The following PTPRS variants were observed in gnomAD, a reference collection of about 807,000 sequenced individuals.
The protein encoded by PTPRS is protein tyrosine phosphatase receptor type S, also known as receptor-type tyrosine-protein phosphatase S.
PTPRS carries 63 observed loss-of-function variants against 215.3 expected under a neutral mutation model. The ratio of observed to expected loss-of-function variants is 0.29; its 90% CI spans 0.24 to 0.36. The LOEUF (loss-of-function observed/expected upper bound fraction) is 0.36. Ranked by LOEUF, PTPRS falls within the 10% of genes least tolerant of loss-of-function variation. The probability of loss-of-function intolerance (pLI) is 1.00; values close to 1 mark genes in which losing one functional copy is unlikely to be tolerated. For synonymous variants in PTPRS, 1,404 were observed against 1,191.4 expected (o/e 1.18, Z -3.68); for missense variants, 2,258 against 2,825.8 (o/e 0.80, Z 4.56).
intron 8 of PTPRS, among the ~76,000 whole-genome samples, chr19:5,256,682 A>G (rs1255198023): frequency 6.6e-6 from 1 of 152,172 alleles, no homozygotes; most frequent in Non-Finnish European, 1.5e-5. Flanking sequence ...ACAACTCACC[A>G]GAGGTGCCGT....
At chr19:5,278,182 C>CT (rs1159295704) in intron 2 of PTPRS, 1 of 52,926 alleles carries the variant, frequency 1.9e-5, no homozygotes. Flanking sequence ...GTAGAAACTG[C>CT]CAAAAAAAAA....
chr19:5,302,473 G>A (rs1389046939), intron 1 of PTPRS, among the ~76,000 whole-genome samples: 1 of 152,162 alleles, frequency 6.6e-6, no homozygotes, highest in Non-Finnish European at 1.5e-5. Flanking sequence ...AAAAGATTCT[G>A]CCCTGCCTTG....
At chr19:5,218,291 T>A (rs1212409373) in intron 25 of PTPRS, 129 bp downstream of exon 25, 1 of 771,432 alleles carries the variant, frequency 1.3e-6, no homozygotes, top group African/African-American at 1.7e-5. Context: ...TATTTGGGAA[T>A]CCAGAATGTG....
chr19:5,301,742 C>T (rs1340864240), intron 1 of PTPRS, among the ~76,000 whole-genome samples: 1 of 151,938 alleles, frequency 6.6e-6, no homozygotes, highest in Non-Finnish European at 1.5e-5. Flanking sequence ...TCCCCCCAAT[C>T]CTCCCCTCCT....
At position 5,244,106 on chromosome 19, in the gene PTPRS, G is replaced by A. The variant is rs369778596; in HGVS notation, c.1365C>T (p.Gly455=). 4.4e-6 allele frequency: 7 copies of A among 1,608,658 alleles called. No individual in the cohort carries two copies. In the African/African-American group the frequency reaches 8.0e-5, roughly 18 times the overall value. ...AGTAGACGCGGTAGCCGCGGATCAG[G>A]CCGTTGGGCTCCACCGGCTCCTCCC... is the stretch of plus-strand genomic sequence containing the variant. ...VQWEEPVEPN[G]LIRGYRVYYT... Residue 455 remains glycine, a synonymous_variant, in exon 11 of 38, where the codon GGC becomes GGT. Coordinates refer to ENST00000262963, the MANE Select transcript of PTPRS (RefSeq NM_002850.4). This position sits in a 1 kb window ranked among gnomAD's most constrained non-coding sequence, Gnocchi z 7.2.
In PTPRS at chr19:5,223,049, C is replaced by T. The variant is rs1379163672; in HGVS notation, c.2743G>A (p.Glu915Lys). ...LAARSRGGLG[E>K]EAAEVLSIPE... ...ATGCTCAGGACCTCGGCTGCCTCCT[C>T]GCCCAGGCCGCCGCGGCTCCGGGCC... The change falls in exon 18 of 38, where the codon GAG becomes AAG. Residue 915 changes from glutamate to lysine, a missense_variant. By Grantham distance (56) the Glu-to-Lys change is moderately conservative. This residue lies in a region of PTPRS where 361 missense variants were observed against 332.6 expected (regional missense o/e 1.09). Coordinates refer to ENST00000262963, the MANE Select transcript of PTPRS (RefSeq NM_002850.4). 2.1e-5 allele frequency: 32 copies of T among 1,548,690 alleles called. No homozygotes were observed. The highest frequency in any genetic ancestry group is 7.1e-5 in the South Asian group (6 of 84,376).
At chr19:5,247,473 G>A (rs988487357) in intron 9 of PTPRS, among the ~76,000 whole-genome samples, 4 of 152,116 alleles carry the variant, frequency 2.6e-5, no homozygotes, top group African/African-American at 9.7e-5. Context: ...GGAAGGACTC[G>A]GGTGAACCTA....
chr19:5,316,589 C>T (rs112182687), intron 1 of PTPRS, among the ~76,000 whole-genome samples: 4,764 of 152,180 alleles, frequency 0.031, 103 homozygotes, highest in Middle Eastern at 0.075. Context: ...GAAGAGTTTT[C>T]ACCATGTTGG....
At chr19:5,328,503 G>T (rs1188470781) in intron 1 of PTPRS, among the ~76,000 whole-genome samples, 1 of 152,038 alleles carries the variant, frequency 6.6e-6, no homozygotes, top group East Asian at 1.9e-4. Flanking sequence ...CTCCCAAAGT[G>T]TTGGGATTAT....
chr19:5,221,277 A>G (rs2041952339), intron 19 of PTPRS, 24 bp from the exon 20 acceptor site: 2 of 1,599,802 alleles, frequency 1.3e-6, no homozygotes, highest in African/African-American at 1.3e-5. Flanking sequence ...CTAGCTCAGC[A>G]GGGCCTGGTG....
intron 14 of PTPRS, among the ~76,000 whole-genome samples, 178 bp from the exon 15 acceptor site, chr19:5,229,862 C>A (rs1167979070): frequency 2.0e-5 from 3 of 151,776 alleles, no homozygotes; most frequent in African/African-American, 7.3e-5. Context: ...CCCCCCACAG[C>A]CCTGGGAGGG....
chr19:5,242,967 T>A (rs1443464115), intron 11 of PTPRS, among the ~76,000 whole-genome samples: 1 of 152,134 alleles, frequency 6.6e-6, no homozygotes, highest in East Asian at 1.9e-4. Flanking sequence ...ATTACAGACA[T>A]GAGCCACTAC....
chr19:5,223,312 G>A lies in PTPRS; in HGVS notation c.2495-15C>T, dbSNP rs139177875. The A allele has an allele frequency of 2.7e-5, 39 of 1,444,284 alleles. No individual in the cohort carries two copies. The East Asian group carries it at 9.4e-4, about 35-fold the overall frequency. The allele number at this position is 1,444,284 out of a possible 1,614,324, so 89.5% of individuals were successfully genotyped here. ...GCGGCCCAGCACTGCGGGGATACGGGGCAGGTGTCAGGGTCCCAGCGCCAT... is the reference window on the plus strand; with the variant it reads ...GCGGCCCAGCACTGCGGGGATACGGAGCAGGTGTCAGGGTCCCAGCGCCAT... On this transcript the variant is annotated splice_polypyrimidine_tract_variant and intron_variant, in intron 17 of 37. Coordinates refer to ENST00000262963, the MANE Select transcript of PTPRS (RefSeq NM_002850.4).
In PTPRS at chr19:5,237,766, C is replaced by G. The variant is rs571396660; in HGVS notation, c.1849+1153G>C. On this transcript the variant is annotated intron_variant, in intron 13 of 37. Coordinates refer to ENST00000262963, the MANE Select transcript of PTPRS (RefSeq NM_002850.4). The surrounding 1 kb of genome is among the most constrained non-coding windows in gnomAD (Gnocchi z 4.2). ...GGCCACCCTCACTGACTCCACCTCA[C>G]ACAGACGCGCCCAGACGCCTTGGAG... Among the ~76,000 whole-genome samples the G allele has an allele frequency of 2.0e-5, 3 of 152,152 alleles. No homozygotes were observed. The highest frequency in any genetic ancestry group is 7.2e-5 in the African/African-American group (3 of 41,442).
At chr19:5,207,789 T>G (rs1467788263) in intron 37 of PTPRS, 133 bp downstream of exon 37, 2 of 1,315,458 alleles carry the variant, frequency 1.5e-6, no homozygotes, top group African/African-American at 1.5e-5. Flanking sequence ...GCGGGAGGGG[T>G]CTGTGGACCG....
At chr19:5,331,127 T>TAAAAAAAAAAAAAAAA (rs1568622692) in intron 1 of PTPRS, among the ~76,000 whole-genome samples, 1 of 80,700 alleles carries the variant, frequency 1.2e-5, no homozygotes, top group African/African-American at 4.7e-5. Context: ...GCTTCTTTTT[T>TAAAAAAAAAAAAAAAA]TAAAAAAAAA....
At position 5,212,157 on chromosome 19, in the gene PTPRS, C is replaced by T; in HGVS notation, c.4863G>A (p.Val1621=). Residue 1621 remains valine, a synonymous_variant, in exon 32 of 38, where the codon GTG becomes GTA. Coordinates refer to ENST00000262963, the MANE Select transcript of PTPRS (RefSeq NM_002850.4). The part of the protein sequence containing the change: ...PEKTVDVYGH[V]TLMRSQRNYM... Reference sequence around the variant, plus strand: ...AGTTGCGCTGGGACCTCATGAGCGTCACGTGGCCATAGACATCGACTGTCT... The same window carrying T: ...AGTTGCGCTGGGACCTCATGAGCGTTACGTGGCCATAGACATCGACTGTCT... 9.3e-6 allele frequency: 15 copies of T among 1,614,110 alleles called. No individual in the cohort carries two copies. The highest frequency in any genetic ancestry group is 1.2e-5 in the Non-Finnish European group (14 of 1,180,056).
chr19:5,271,878 C>A (rs2046942133), intron 4 of PTPRS, among the ~76,000 whole-genome samples: 1 of 151,582 alleles, frequency 6.6e-6, no homozygotes, highest in African/African-American at 2.4e-5. Flanking sequence ...GTGCACGTCA[C>A]CTCACCCACC....
At chr19:5,216,567 C>G (rs1377611689) in intron 26 of PTPRS, among the ~76,000 whole-genome samples, 153 bp downstream of exon 26, 1 of 152,134 alleles carries the variant, frequency 6.6e-6, no homozygotes, top group Non-Finnish European at 1.5e-5. Flanking sequence ...GACCAACCCC[C>G]TGCCCTCTTC....
Sources: allele counts gnomAD v4.1 joint callset (sites outside exome capture counted in the v4.1 genomes callset), GRCh38; gene constraint gnomAD v4.1.1; regional missense constraint gnomAD v4.1.1; non-coding constraint Gnocchi (gnomAD v3.1); transcripts MANE v1.5; gene names NCBI Gene and HGNC (gene_info 2026-07-23, HGNC 2026-07-21).